RAB11FIP4: variants seen among roughly 807,000 people sequenced by gnomAD.
The protein encoded by RAB11FIP4 is rab11 family-interacting protein 4.
In RAB11FIP4, 23 loss-of-function variants were observed where a neutral mutation model predicts 74.3. The ratio of observed to expected loss-of-function variants is 0.31; its 90% confidence interval spans 0.22 to 0.44. RAB11FIP4 has a LOEUF of 0.44. Among genes scored for constraint, RAB11FIP4 ranks in the 20% least tolerant of loss-of-function variants. RAB11FIP4 has a pLI of 1.00. For missense variants in RAB11FIP4, 630 were observed against 863.9 expected (o/e 0.73, Z 3.39); for synonymous variants, 360 against 359.9 (o/e 1.00, Z 0.00).
chr17:31,406,640 T>C (rs1014876523), intron 1 of RAB11FIP4, among the ~76,000 whole-genome samples: 1 of 152,258 alleles, frequency 6.6e-6, no homozygotes, highest in Non-Finnish European at 1.5e-5. Context: ...CTTTGCATTT[T>C]TTCCATGTTG....
At position 31,402,914 on chromosome 17, in the gene RAB11FIP4, C is replaced by T. The variant is rs144882889; in HGVS notation, c.159+10903C>T. Among the ~76,000 whole-genome samples the T allele has an allele frequency of 6.7e-4, 102 of 152,132 alleles. 2 individuals carry two copies. The highest frequency in any genetic ancestry group is 4.6e-3 in the East Asian group (24 of 5,176). On this transcript the variant is annotated intron_variant, in intron 1 of 14. Transcript: ENST00000621161. ...TGCTGGGATTACAGGCGTGAGCCAC[C>T]GCGCCTGGCCAGATTATTTTTAAAG...
chr17:31,449,010 G>T (rs1351217899), intron 3 of RAB11FIP4, among the ~76,000 whole-genome samples: 1 of 152,116 alleles, frequency 6.6e-6, no homozygotes, highest in East Asian at 1.9e-4. Flanking sequence ...TGAGGAGACA[G>T]GTCCCCCAGT....
At chr17:31,460,744 T>C (rs553159204) in intron 3 of RAB11FIP4, among the ~76,000 whole-genome samples, 17 of 152,226 alleles carry the variant, frequency 1.1e-4, no homozygotes, top group Admixed American at 9.8e-4. Context: ...TATATATATT[T>C]CTTCAAGACA....
chr17:31,537,743 C>T lies in RAB11FIP4; in HGVS notation c.*6011C>T, dbSNP rs1312881904. ...TGCTGCCCCTGCCTGCTGTGAACACCTGCCCAGCCCTTCCTTGTCTGCTGA... is the reference window on the plus strand; with the variant it reads ...TGCTGCCCCTGCCTGCTGTGAACACTTGCCCAGCCCTTCCTTGTCTGCTGA... On this transcript the variant is annotated 3_prime_UTR_variant, in exon 15 of 15. Transcript: ENST00000621161. 1 of 153,364 alleles carries T rather than the reference C, an allele frequency of 6.5e-6. No homozygotes were observed. The highest frequency in any genetic ancestry group is 1.9e-4 in the East Asian group (1 of 5,216). The allele number at this position is 153,364 out of a possible 1,614,324, so 9.5% of individuals were successfully genotyped here.
At chr17:31,482,847 C>A (rs2071862725) in intron 3 of RAB11FIP4, among the ~76,000 whole-genome samples, 1 of 152,162 alleles carries the variant, frequency 6.6e-6, no homozygotes, top group East Asian at 1.9e-4. Context: ...GTGGTAAAGT[C>A]CTAGCCAGCT....
intron 3 of RAB11FIP4, among the ~76,000 whole-genome samples, chr17:31,462,274 C>CA (rs1465386650): frequency 5.9e-5 from 8 of 134,820 alleles, no homozygotes; most frequent in African/African-American, 2.2e-4. Flanking sequence ...TCAAAAAAAA[C>CA]AAAAAACAAA....
intron 3 of RAB11FIP4, among the ~76,000 whole-genome samples, chr17:31,449,237 C>T (rs962401293): frequency 1.2e-4 from 18 of 152,076 alleles, no homozygotes; most frequent in Admixed American, 6.6e-4. Flanking sequence ...ACCCGCACAC[C>T]GCCTGAACAC....
chr17:31,440,693 C>T (rs771055274), intron 3 of RAB11FIP4, among the ~76,000 whole-genome samples: 15 of 152,284 alleles, frequency 9.9e-5, no homozygotes, highest in African/African-American at 1.2e-4. Flanking sequence ...CACTTGAACC[C>T]GGGAGGCGGA....
rs1306150273 is a variant in RAB11FIP4, at chr17:31,535,381, A to AC, written c.*3654dup. 6.6e-6 allele frequency: 1 copy of AC among 151,714 alleles called. No homozygotes were observed. Among genetic ancestry groups the AC allele is most frequent in the African/African-American group, 2.4e-5 (1 of 41,284 alleles). The allele number at this position is 151,714 out of a possible 1,614,324, so 9.4% of individuals were successfully genotyped here. On this transcript the variant is annotated 3_prime_UTR_variant, in exon 15 of 15. Coordinates refer to ENST00000621161, the MANE Select transcript of RAB11FIP4 (RefSeq NM_032932.6). ...TGTAAGCTTCTGCTGTCTGGGCTGA[A>AC]CCCCCAGAGGTTCGGATTGAATTGG...
chr17:31,517,374 G>A (rs2142807229), intron 3 of RAB11FIP4, among the ~76,000 whole-genome samples: 1 of 152,212 alleles, frequency 6.6e-6, no homozygotes, highest in African/African-American at 2.4e-5. Flanking sequence ...CAACCAGGGT[G>A]CCCTGAATAA....
Position 31,501,021 on chromosome 17 carries a change from C to CA in RAB11FIP4, c.337-16616dup, listed in dbSNP as rs79846096. Among the ~76,000 whole-genome samples the CA allele has an allele frequency of 4.5e-3, 591 of 130,662 alleles. 1 individual carries two copies. Among genetic ancestry groups the CA allele is most frequent in the East Asian group, 0.031 (148 of 4,734 alleles). 85.7% of individuals were successfully genotyped at this position (130,662 alleles called of 152,430 possible). On this transcript the variant is annotated intron_variant, in intron 3 of 14. Transcript: ENST00000621161. ...CTGGTGACAGAGTGAGACTCCATCT[C>CA]AAAAAAAAAAAAAAGAAAATGGAAA... is the stretch of plus-strand genomic sequence containing the variant.
At chr17:31,418,912 C>T (rs2071173120) in intron 1 of RAB11FIP4, among the ~76,000 whole-genome samples, 1 of 152,176 alleles carries the variant, frequency 6.6e-6, no homozygotes, top group Non-Finnish European at 1.5e-5. Flanking sequence ...CAGAACGGCT[C>T]ATCCCCCAAA....
At chr17:31,510,918 G>T (rs1372853202) in intron 3 of RAB11FIP4, among the ~76,000 whole-genome samples, 1 of 152,170 alleles carries the variant, frequency 6.6e-6, no homozygotes, top group Non-Finnish European at 1.5e-5. Flanking sequence ...CTGCTTGGGA[G>T]GCTGAGCTGG....
At chr17:31,517,611 G>A (rs1309843639) in intron 3 of RAB11FIP4, 40 bp from the exon 4 acceptor site, 1 of 1,536,930 alleles carries the variant, frequency 6.5e-7, no homozygotes, top group Admixed American at 1.9e-5. Flanking sequence ...GCCCTGGGAA[G>A]CTGGCCTCAC....
At chr17:31,530,222 A>C in intron 13 of RAB11FIP4, 104 bp from the exon 14 acceptor site, 2 of 1,428,110 alleles carry the variant, frequency 1.4e-6, no homozygotes, top group Non-Finnish European at 1.9e-6. Flanking sequence ...ACCTGTGGGA[A>C]TGGCGCTGGC....
Position 31,531,791 on chromosome 17 carries a change from C to A in RAB11FIP4, c.*59C>A. 8.7e-7 allele frequency: 1 copy of A among 1,152,606 alleles called. No individual in the cohort carries two copies. The highest frequency in any genetic ancestry group is 1.3e-6 in the Non-Finnish European group (1 of 766,992). The allele number at this position is 1,152,606 out of a possible 1,614,324, so 71.4% of individuals were successfully genotyped here. On this transcript the variant is annotated 3_prime_UTR_variant, in exon 15 of 15. Transcript: ENST00000621161. The stretch of plus-strand genomic sequence containing the variant: ...CCTGGGACCAAGGGCAGACCCTGCC[C>A]AAGGATGCAGGCCTAAGCCGGGCCT...
chr17:31,396,195 A>G (rs190944700), intron 1 of RAB11FIP4, among the ~76,000 whole-genome samples: 2 of 106,762 alleles, frequency 1.9e-5, no homozygotes, highest in Non-Finnish European at 4.9e-5. Flanking sequence ...AAAAAAAAAA[A>G]AAGAAAAGAA....
chr17:31,477,835 G>A (rs1224169957), intron 3 of RAB11FIP4, among the ~76,000 whole-genome samples: 1 of 152,122 alleles, frequency 6.6e-6, no homozygotes, highest in African/African-American at 2.4e-5. Flanking sequence ...CTAGCTGTAT[G>A]TCCTTGAGTA....
rs747844559 is a variant in RAB11FIP4 at position 31,453,355 on chromosome 17, C to CAAAAAAAAA, written c.336+19250_336+19258dup. Reference sequence around the variant, plus strand: ...TGTACCATAGAGAGAGACCCTACCTCAAAAAAAAAAAAAAAAAAAAAAAAA... The same window carrying CAAAAAAAAA: ...TGTACCATAGAGAGAGACCCTACCTCAAAAAAAAAAAAAAAAAAAAAAAAAAAAAAAAAA... On this transcript the variant is annotated intron_variant, in intron 3 of 14. Transcript: ENST00000621161. Among the ~76,000 whole-genome samples, 29 of 71,796 alleles carry CAAAAAAAAA rather than the reference C, an allele frequency of 4.0e-4. 1 individual carries two copies. The highest frequency in any genetic ancestry group is 1.4e-3 in the African/African-American group (24 of 16,952). 47.1% of individuals were successfully genotyped at this position (71,796 alleles called of 152,430 possible).
Sources: allele counts gnomAD v4.1 joint callset (sites outside exome capture counted in the v4.1 genomes callset), GRCh38; gene constraint gnomAD v4.1.1; transcripts MANE v1.5; gene names NCBI Gene and HGNC (gene_info 2026-07-23, HGNC 2026-07-21).